Variants in SNX27 observed in about 807,000 individuals in gnomAD.
SNX27 encodes sorting nexin 27.
Under a neutral mutation model 71.6 loss-of-function variants are expected in SNX27, and 22 were observed. The observed-to-expected ratio is 0.31, with a 90% CI of 0.22 to 0.44. The LOEUF is 0.44. SNX27 is among the 20% of genes least tolerant of loss of function. SNX27 has a pLI of 1.00. For synonymous variants in SNX27, 269 were observed against 277.2 expected (o/e 0.97, Z 0.29); for missense variants, 531 against 698.6 (o/e 0.76, Z 2.70).
chr1:151,625,664 G>A (rs1271956442), intron 1 of SNX27, among the ~76,000 whole-genome samples: 4 of 151,478 alleles, frequency 2.6e-5, no homozygotes, highest in South Asian at 2.1e-4. Flanking sequence ...GTGAAACCCC[G>A]TCTCTACTAT....
At chr1:151,654,263 G>T (rs1669572081) in intron 2 of SNX27, among the ~76,000 whole-genome samples, 1 of 152,048 alleles carries the variant, frequency 6.6e-6, no homozygotes, top group Admixed American at 6.6e-5. Context: ...TTTTTACTTG[G>T]GCTAGACTCA....
intron 7 of SNX27, among the ~76,000 whole-genome samples, chr1:151,673,930 G>T (rs1175294899): frequency 6.6e-6 from 1 of 151,886 alleles, no homozygotes. Context: ...GTGTGTCTTT[G>T]TAGGTGAAGT....
chr1:151,628,431 T>A (rs1371996932), intron 1 of SNX27, among the ~76,000 whole-genome samples: 2 of 152,226 alleles, frequency 1.3e-5, no homozygotes, highest in Non-Finnish European at 2.9e-5. Flanking sequence ...TTGGCAATTA[T>A]GAATAAAGCT....
At chr1:151,613,535 G>C (rs1667290092) in intron 1 of SNX27, among the ~76,000 whole-genome samples, 1 of 151,772 alleles carries the variant, frequency 6.6e-6, no homozygotes, top group Non-Finnish European at 1.5e-5. Flanking sequence ...CTTTGTCCTA[G>C]TCTTTCCCTC....
At chr1:151,641,802 ATAGATATATATGAGATATATATG>A in intron 2 of SNX27, among the ~76,000 whole-genome samples, 1 of 141,354 alleles carries the variant, frequency 7.1e-6, no homozygotes, top group Non-Finnish European at 1.5e-5. Flanking sequence ...TATATAAGAT[ATAGATATATATGAGATATATATG>A]TCAGCTATAG....
At chr1:151,614,287 A>G (rs1667331716) in intron 1 of SNX27, 1 of 152,038 alleles carries the variant, frequency 6.6e-6, no homozygotes, top group African/African-American at 2.4e-5. Context: ...AATGTCCTAC[A>G]TACTGTTTCC....
chr1:151,633,246 A>G (rs1011194341), intron 1 of SNX27, among the ~76,000 whole-genome samples: 3 of 152,150 alleles, frequency 2.0e-5, no homozygotes, highest in African/African-American at 7.2e-5. Flanking sequence ...AGTTTTGGCA[A>G]AAGTATACAT....
intron 1 of SNX27, among the ~76,000 whole-genome samples, chr1:151,637,424 C>T (rs746780036): frequency 6.6e-6 from 1 of 152,020 alleles, no homozygotes; most frequent in African/African-American, 2.4e-5. Flanking sequence ...GTGATCCACC[C>T]GCCTCGGCCT....
Position 151,662,246 on chromosome 1 carries a change from C to T in SNX27, c.882C>T (p.Asn294=). The T allele has an allele frequency of 1.2e-6, 2 of 1,611,940 alleles. No individual in the cohort carries two copies. Among genetic ancestry groups the T allele is most frequent in the Non-Finnish European group, 1.7e-6 (2 of 1,178,242 alleles). Residue 294 remains asparagine (N), a synonymous_variant, in exon 5 of 12, where the codon AAC becomes AAT. Coordinates refer to ENST00000458013, the MANE Select transcript of SNX27 (RefSeq NM_001330723.2). ...CGGTTACAGTCAGGGTTAAAAAGAA[C>T]AGTACTACAGACCAAGTATATCAGG... ...GTTVTVRVKK[N]STTDQVYQAI...
At chr1:151,614,347 T>G (rs1426465999) in intron 1 of SNX27, 3 of 152,190 alleles carry the variant, frequency 2.0e-5, no homozygotes, top group Admixed American at 6.5e-5. Context: ...TTCCTTGAGA[T>G]GGAGTTTTGA....
intron 1 of SNX27, among the ~76,000 whole-genome samples, chr1:151,633,959 G>T (rs1668360462): frequency 6.6e-6 from 1 of 151,082 alleles, no homozygotes; most frequent in Non-Finnish European, 1.5e-5. Flanking sequence ...TGTTTGTGTA[G>T]ATGTGTATGT....
At chr1:151,630,891 G>T (rs971689254) in intron 1 of SNX27, among the ~76,000 whole-genome samples, 3 of 152,188 alleles carry the variant, frequency 2.0e-5, no homozygotes, top group African/African-American at 7.2e-5. Flanking sequence ...AATTAGCTGG[G>T]TGTGGTGGCG....
At chr1:151,651,879 G>A (rs1167365854) in intron 2 of SNX27, among the ~76,000 whole-genome samples, 7 of 152,048 alleles carry the variant, frequency 4.6e-5, no homozygotes, top group South Asian at 2.1e-4. Context: ...GTAGCGAGCC[G>A]AGATCACGCC....
intron 2 of SNX27, among the ~76,000 whole-genome samples, chr1:151,656,720 CAT>C (rs1274812408): frequency 6.6e-6 from 1 of 152,120 alleles, no homozygotes; most frequent in African/African-American, 2.4e-5. Context: ...CCCAAGTGCT[CAT>C]GAGTGGGAGA....
At chr1:151,677,266 T>C (rs910765524) in intron 7 of SNX27, 1 of 152,222 alleles carries the variant, frequency 6.6e-6, no homozygotes, top group African/African-American at 2.4e-5. Context: ...GCATAAAGTA[T>C]CTATTTTATT....
rs1368289477 is a variant in SNX27 at position 151,696,344 on chromosome 1, T to C, written c.*1927T>C. The C allele has an allele frequency of 6.6e-6, 1 of 152,232 alleles. No homozygotes were observed. Among genetic ancestry groups the C allele is most frequent in the Non-Finnish European group, 1.5e-5 (1 of 68,046 alleles). 9.4% of individuals were successfully genotyped at this position (152,232 alleles called of 1,614,324 possible). On this transcript the variant is annotated 3_prime_UTR_variant, in exon 12 of 12. Coordinates refer to ENST00000458013, the MANE Select transcript of SNX27 (RefSeq NM_001330723.2). ...CAAAAACCTTCCTAGGATGGCATCT[T>C]TTGCTCTAACTGGGAGACAGTCATA...
At chr1:151,657,328 G>A (rs906882708) in intron 2 of SNX27, among the ~76,000 whole-genome samples, 4 of 152,060 alleles carry the variant, frequency 2.6e-5, no homozygotes, top group East Asian at 3.9e-4. Context: ...ACCATGCCCA[G>A]CTTCATTTTT....
chr1:151,650,773 G>C (rs558285499), intron 2 of SNX27, among the ~76,000 whole-genome samples: 3,355 of 151,606 alleles, frequency 0.022, 121 homozygotes, highest in African/African-American at 0.078. Context: ...TGTGTCCCTG[G>C]GTACTTGAGA....
intron 7 of SNX27, among the ~76,000 whole-genome samples, chr1:151,672,959 T>A (rs1571854592): frequency 2.0e-5 from 3 of 151,934 alleles, no homozygotes; most frequent in South Asian, 2.1e-4. Flanking sequence ...TGTATTTTTT[T>A]ATTTCAATTT....
Sources: allele counts gnomAD v4.1 joint callset (sites outside exome capture counted in the v4.1 genomes callset), GRCh38; gene constraint gnomAD v4.1.1; transcripts MANE v1.5; gene names NCBI Gene and HGNC (gene_info 2026-07-23, HGNC 2026-07-21).